Variants in ASB3 observed in about 807,000 individuals in gnomAD.
ASB3 encodes ankyrin repeat and SOCS box protein 3.
ASB3 carries 41 observed loss-of-function variants against 54.5 expected under a neutral mutation model. The ratio of observed to expected loss-of-function variants is 0.75; its 90% CI spans 0.59 to 0.98. The LOEUF (loss-of-function observed/expected upper bound fraction) is 0.98. Ranked by LOEUF, ASB3 falls within the 50% of genes least tolerant of loss-of-function variation. The probability of loss-of-function intolerance (pLI) is 0.00; values close to 1 mark genes in which losing one functional copy is unlikely to be tolerated. For synonymous variants in ASB3, 266 were observed against 221.2 expected (o/e 1.20, Z -1.80); for missense variants, 733 against 620.0 (o/e 1.18, Z -1.94).
intron 8 of ASB3, among the ~76,000 whole-genome samples, chr2:53,695,080 C>G (rs1166530370): frequency 6.6e-6 from 1 of 152,042 alleles, no homozygotes; most frequent in South Asian, 2.1e-4. Context: ...ACTACCAAAA[C>G]AGAAATTCTT....
chr2:53,739,840 C>G (rs1671834915), intron 3 of ASB3, among the ~76,000 whole-genome samples: 1 of 152,058 alleles, frequency 6.6e-6, no homozygotes, highest in Non-Finnish European at 1.5e-5. Flanking sequence ...CCACACAGCT[C>G]ATTTTCCATT....
At chr2:53,771,964 T>C (rs780041202) in intron 1 of ASB3, 3 of 1,295,590 alleles carry the variant, frequency 2.3e-6, no homozygotes, top group Non-Finnish European at 3.2e-6. Context: ...ATATTCTTTT[T>C]TGTATAATTT....
In ASB3 at chr2:53,746,396, G is replaced by A. The variant is rs192792476; in HGVS notation, c.355+4387C>T. ...CTGACACCCATATTATCTAACTAAA[G>A]AGTTATATGTCCATTCCTATTTTTT... On this transcript the variant is annotated intron_variant, in intron 3 of 9. Coordinates refer to ENST00000263634, the MANE Select transcript of ASB3 (RefSeq NM_016115.5). 1.0e-3 allele frequency among the ~76,000 whole-genome samples: 153 copies of A among 152,060 alleles called. 1 individual carries two copies. The highest frequency in any genetic ancestry group is 3.3e-3 in the African/African-American group (137 of 41,486).
intron 9 of ASB3, among the ~76,000 whole-genome samples, chr2:53,678,066 A>T (rs1668175589): frequency 6.6e-6 from 1 of 152,118 alleles, no homozygotes; most frequent in South Asian, 2.1e-4. Context: ...ATGTTGATAT[A>T]CCTACCATAA....
At chr2:53,759,063 A>G (rs1672995775) in intron 2 of ASB3, among the ~76,000 whole-genome samples, 1 of 152,188 alleles carries the variant, frequency 6.6e-6, no homozygotes, top group South Asian at 2.1e-4. Flanking sequence ...CACAAAAGAG[A>G]GAAGTGCCAC....
chr2:53,739,193 T>C (rs1156519899), intron 3 of ASB3, among the ~76,000 whole-genome samples: 1 of 152,200 alleles, frequency 6.6e-6, no homozygotes, highest in Non-Finnish European at 1.5e-5. Context: ...GAAAAACATA[T>C]CTTAGGTAAC....
At chr2:53,688,328 T>G (rs1174634057) in intron 9 of ASB3, among the ~76,000 whole-genome samples, 1 of 152,182 alleles carries the variant, frequency 6.6e-6, no homozygotes, top group East Asian at 1.9e-4. Flanking sequence ...GTCCCAGGTG[T>G]CAACCATCCT....
chr2:53,770,394 C>T (rs761621443), intron 1 of ASB3, among the ~76,000 whole-genome samples: 1 of 150,056 alleles, frequency 6.7e-6, no homozygotes, highest in Non-Finnish European at 1.5e-5. Flanking sequence ...AGACATTGGG[C>T]ATACAAGTAG....
chr2:53,687,208 G>C (rs1668676448), intron 9 of ASB3, among the ~76,000 whole-genome samples: 1 of 152,038 alleles, frequency 6.6e-6, no homozygotes, highest in Non-Finnish European at 1.5e-5. Context: ...TAAGTGGGCA[G>C]TTGGAACCCT....
chr2:53,680,730 C>G (rs528795824), intron 9 of ASB3, among the ~76,000 whole-genome samples: 2 of 152,266 alleles, frequency 1.3e-5, no homozygotes, highest in South Asian at 4.1e-4. Flanking sequence ...GTGTTACAAA[C>G]TATCCAATTA....
At chr2:53,752,505 T>C (rs1672571814) in intron 2 of ASB3, among the ~76,000 whole-genome samples, 1 of 152,208 alleles carries the variant, frequency 6.6e-6, no homozygotes, top group Non-Finnish European at 1.5e-5. Context: ...ACCCCATTCT[T>C]CCAGTGCACA....
At chr2:53,780,391 A>C (rs1385889657) in intron 1 of ASB3, among the ~76,000 whole-genome samples, 1 of 152,164 alleles carries the variant, frequency 6.6e-6, no homozygotes, top group Admixed American at 6.6e-5. Flanking sequence ...CACCAAAATA[A>C]ATAAGATAGT....
In ASB3 at chr2:53,670,762, T is replaced by C. The variant is rs533693056; in HGVS notation, c.1370-72A>G. 7 of 1,498,460 alleles carry C rather than the reference T, an allele frequency of 4.7e-6. No individual in the cohort carries two copies. The African/African-American group carries it at 7.1e-5, about 15-fold the overall frequency. The allele number at this position is 1,498,460 out of a possible 1,614,324, so 92.8% of individuals were successfully genotyped here. The stretch of plus-strand genomic sequence containing the variant: ...TGTAATAGCACATAAAGGTAAATTT[T>C]TTTTTCCCCCAACTCTTAGTAATAA... On this transcript the variant is annotated intron_variant, in intron 9 of 9. Transcript: ENST00000263634.
rs1324540725 is a variant in ASB3, at chr2:53,714,493, C to T, written c.871G>A (p.Gly291Arg). Residue 291 changes from glycine to arginine, a missense_variant, in exon 7 of 10, where the codon GGA becomes AGA. Coordinates refer to ENST00000263634, the MANE Select transcript of ASB3 (RefSeq NM_016115.5). ...AATATTTCTAGGCAATCTTCATGTCCCCCAAACACTGCTGAGTAAACAGGG... is the reference window on the plus strand; with the variant it reads ...AATATTTCTAGGCAATCTTCATGTCTCCCAAACACTGCTGAGTAAACAGGG... ...VSPVYSAVFG[G>R]HEDCLEILLR... is the part of the protein sequence containing the mutation. The T allele has an allele frequency of 1.2e-6, 2 of 1,614,214 alleles. No individual in the cohort carries two copies. The highest frequency in any genetic ancestry group is 1.7e-6 in the Non-Finnish European group (2 of 1,180,032).
chr2:53,676,259 C>T (rs1668074646), intron 9 of ASB3, among the ~76,000 whole-genome samples: 1 of 152,160 alleles, frequency 6.6e-6, no homozygotes, highest in African/African-American at 2.4e-5. Context: ...GATACTACTT[C>T]GTGCAATTCT....
At chr2:53,727,047 T>C (rs1031893176) in intron 5 of ASB3, among the ~76,000 whole-genome samples, 6 of 152,114 alleles carry the variant, frequency 3.9e-5, no homozygotes, top group Admixed American at 6.6e-5. Context: ...GAAGGTATGA[T>C]GTAGTAGAAG....
intron 7 of ASB3, among the ~76,000 whole-genome samples, chr2:53,703,639 C>G (rs892276705): frequency 2.0e-5 from 3 of 152,112 alleles, no homozygotes; most frequent in African/African-American, 7.2e-5. Flanking sequence ...TGTTATTTAT[C>G]ATTTTCATCA....
intron 7 of ASB3, among the ~76,000 whole-genome samples, chr2:53,704,095 G>A (rs1435670433): frequency 1.3e-5 from 2 of 152,104 alleles, no homozygotes; most frequent in Non-Finnish European, 2.9e-5. Context: ...TAGGCGTGGT[G>A]GCTCACACCT....
At chr2:53,695,626 C>T (rs896978089) in intron 8 of ASB3, among the ~76,000 whole-genome samples, 2 of 151,566 alleles carry the variant, frequency 1.3e-5, no homozygotes, top group African/African-American at 4.9e-5. Flanking sequence ...GTTAATATAA[C>T]GGTGAGTTTA....
Sources: allele counts gnomAD v4.1 joint callset (sites outside exome capture counted in the v4.1 genomes callset), GRCh38; gene constraint gnomAD v4.1.1; transcripts MANE v1.5; gene names NCBI Gene and HGNC (gene_info 2026-07-23, HGNC 2026-07-21).